The following DMD variants were observed in gnomAD, a reference collection of about 807,000 sequenced individuals.
The protein encoded by DMD is mutant dystrophin.
In DMD, 63 loss-of-function variants were observed where a neutral mutation model predicts 330.1. That is an observed-to-expected ratio of 0.19 (90% CI 0.16 to 0.24). The LOEUF (loss-of-function observed/expected upper bound fraction) is 0.24. Ranked by LOEUF, DMD falls within the 10% of genes least tolerant of loss-of-function variation. The pLI, the probability that DMD is intolerant of heterozygous loss-of-function variation, is 1.00. For missense variants in DMD, 3,344 were observed against 2,684.1 expected (o/e 1.25, Z -5.43); for synonymous variants, 1,223 against 959.8 (o/e 1.27, Z -5.07).
chrX:32,155,931 A>G (rs2096827773), intron 44 of DMD, among the ~76,000 whole-genome samples: 1 of 107,533 alleles, frequency 9.3e-6, no homozygotes, highest in South Asian at 4.2e-4. Context: ...GAACAGCTCC[A>G]GAGGGTTAAT....
At chrX:31,469,063 T>C (rs2149205727) in intron 59 of DMD, among the ~76,000 whole-genome samples, 1 of 111,342 alleles carries the variant, frequency 9.0e-6, no homozygotes, top group African/African-American at 3.3e-5. Context: ...TATGTGTGTC[T>C]CTGCACATGA....
chrX:32,583,992 G>A (rs1371516650), intron 13 of DMD, among the ~76,000 whole-genome samples: 1 of 110,978 alleles, frequency 9.0e-6, no homozygotes, highest in Non-Finnish European at 1.9e-5. Context: ...TTTATGAAGA[G>A]ATATATCATT....
At chrX:32,788,643 TCTG>T (rs2075590884) in intron 7 of DMD, among the ~76,000 whole-genome samples, 1 of 112,080 alleles carries the variant, frequency 8.9e-6, no homozygotes, top group African/African-American at 3.2e-5. Flanking sequence ...AAGTTGCATA[TCTG>T]GCTAAAATAC....
chrX:33,163,871 G>T (rs2048927248), intron 1 of DMD, among the ~76,000 whole-genome samples: 1 of 110,430 alleles, frequency 9.1e-6, no homozygotes, highest in South Asian at 3.8e-4. Context: ...ATGAGCCTCT[G>T]CTACCCACAG....
intron 64 of DMD, among the ~76,000 whole-genome samples, chrX:31,212,145 A>ATT (rs1417170639): frequency 5.1e-5 from 4 of 78,859 alleles, no homozygotes; most frequent in Admixed American, 1.4e-4. Context: ...CATTAAATAT[A>ATT]TTATATATAT....
chrX:32,812,451 G>T (rs895217581), intron 6 of DMD, among the ~76,000 whole-genome samples: 2 of 111,244 alleles, frequency 1.8e-5, no homozygotes, highest in Admixed American at 1.9e-4. Context: ...TGGACAACAT[G>T]GTAAAACCCC....
At chrX:31,384,551 G>A (rs2060360973) in intron 60 of DMD, among the ~76,000 whole-genome samples, 1 of 111,728 alleles carries the variant, frequency 9.0e-6, no homozygotes, top group Admixed American at 9.5e-5. Flanking sequence ...GGAAAGAAAT[G>A]ACAGCTGTGA....
intron 44 of DMD, among the ~76,000 whole-genome samples, chrX:32,099,893 T>TA (rs111634779): frequency 0.12 from 12,513 of 100,792 alleles, 1,817 homozygotes; most frequent in African/African-American, 0.4. Flanking sequence ...AAAGTATAAT[T>TA]AAAAAAAAAA....
At chrX:32,751,755 A>T (rs1469590845) in intron 7 of DMD, among the ~76,000 whole-genome samples, 1 of 111,965 alleles carries the variant, frequency 8.9e-6, no homozygotes, top group Non-Finnish European at 1.9e-5. Flanking sequence ...GTTTAGGAGG[A>T]AAAAATGGTT....
At chrX:32,968,844 A>G (rs1356427376) in intron 2 of DMD, among the ~76,000 whole-genome samples, 1 of 107,613 alleles carries the variant, frequency 9.3e-6, no homozygotes. Context: ...CCTGGCCAAA[A>G]TGGTGAAACC....
chrX:32,616,047 T>C (rs1195645667), intron 11 of DMD, among the ~76,000 whole-genome samples: 1 of 111,282 alleles, frequency 9.0e-6, no homozygotes, highest in Non-Finnish European at 1.9e-5. Context: ...TTTTGTAGTA[T>C]GCCTCTCAGT....
intron 2 of DMD, among the ~76,000 whole-genome samples, chrX:33,010,281 T>A (rs769622724): frequency 8.3e-5 from 6 of 72,103 alleles, no homozygotes; most frequent in Non-Finnish European, 9.7e-5. Context: ...TATATGTACA[T>A]ATATGTGTGT....
At chrX:32,994,898 A>T (rs2147343859) in intron 2 of DMD, among the ~76,000 whole-genome samples, 1 of 112,410 alleles carries the variant, frequency 8.9e-6, no homozygotes, top group African/African-American at 3.2e-5. Context: ...AGATCACCTG[A>T]GCTATGGAGT....
intron 7 of DMD, among the ~76,000 whole-genome samples, chrX:32,767,824 A>G (rs1244137409): frequency 8.9e-6 from 1 of 112,090 alleles, no homozygotes; most frequent in Non-Finnish European, 1.9e-5. Flanking sequence ...ATATATAAGC[A>G]TTTATGTGTT....
At chrX:32,889,713 C>A (rs1297539188) in intron 2 of DMD, among the ~76,000 whole-genome samples, 1 of 110,927 alleles carries the variant, frequency 9.0e-6, no homozygotes, top group Non-Finnish European at 1.9e-5. Flanking sequence ...CCCCTGCTCG[C>A]AAAACATCGC....
At chrX:31,596,872 T>G (rs1389556985) in intron 55 of DMD, among the ~76,000 whole-genome samples, 3 of 112,067 alleles carry the variant, frequency 2.7e-5, no homozygotes, top group Non-Finnish European at 5.6e-5. Context: ...CAGCATCACC[T>G]GGGACCTACT....
At position 32,638,367 on chromosome X, in the gene DMD, A is replaced by G. The variant is rs938934866; in HGVS notation, c.1331+5765T>C. 2.7e-5 allele frequency among the ~76,000 whole-genome samples: 3 copies of G among 112,103 alleles called. No individual in the cohort carries two copies. The Admixed American group carries it at 2.8e-4, about 11-fold the overall frequency. On this transcript the variant is annotated intron_variant, in intron 11 of 78. Coordinates refer to ENST00000357033, the MANE Select transcript of DMD (RefSeq NM_004006.3). The stretch of plus-strand genomic sequence containing the variant: ...AGAAAAATAGGAACAGAAGATATCT[A>G]AGTAGAGGTTTACAAAGAAGTTGAG...
At chrX:31,871,189 C>T (rs1460987577) in intron 48 of DMD, among the ~76,000 whole-genome samples, 1 of 111,020 alleles carries the variant, frequency 9.0e-6, no homozygotes, top group Non-Finnish European at 1.9e-5. Flanking sequence ...GTGATTACGC[C>T]TAATTTTCAC....
intron 2 of DMD, among the ~76,000 whole-genome samples, chrX:32,950,038 G>A (rs192774395): frequency 1.3e-5 from 1 of 75,790 alleles, no homozygotes; most frequent in African/African-American, 5.9e-5. Context: ...TAGAACGGTG[G>A]TGAATGAAGC....
Sources: allele counts gnomAD v4.1 joint callset (sites outside exome capture counted in the v4.1 genomes callset), GRCh38; gene constraint gnomAD v4.1.1; transcripts MANE v1.5; gene names NCBI Gene and HGNC (gene_info 2026-07-23, HGNC 2026-07-21).